RBFOX1: variants seen among roughly 807,000 people sequenced by gnomAD.
RBFOX1 encodes the protein RNA binding protein fox-1 homolog 1.
In RBFOX1, 8 loss-of-function variants were observed where a neutral mutation model predicts 57.7. The observed-to-expected ratio is 0.14, with a 90% CI of 0.08 to 0.25. The LOEUF is 0.25. Among genes scored for constraint, RBFOX1 ranks in the 10% least tolerant of loss-of-function variants. The pLI, the probability that RBFOX1 is intolerant of heterozygous loss-of-function variation, is 1.00. For synonymous variants in RBFOX1, 326 were observed against 222.4 expected (o/e 1.47, Z -4.15); for missense variants, 611 against 548.5 (o/e 1.11, Z -1.14).
rs573283082 is a variant in RBFOX1, at chr16:7,346,646, T to C, written c.28-171501T>C. On this transcript the variant is annotated intron_variant, in intron 4 of 15. Transcript: ENST00000550418. ...CATGTGGCCCACGGGCATTGCTTCG[T>C]TCAAGCCTTTGTGTTCAGATCTGCC... Among the ~76,000 whole-genome samples, 478 of 152,062 alleles carry C rather than the reference T, an allele frequency of 3.1e-3. 2 individuals carry two copies. The highest frequency in any genetic ancestry group is 0.011 in the African/African-American group (446 of 41,548).
intron 3 of RBFOX1, among the ~76,000 whole-genome samples, chr16:6,921,117 T>G (rs1353071070): frequency 1.3e-5 from 2 of 152,162 alleles, no homozygotes; most frequent in Non-Finnish European, 2.9e-5. Context: ...TTGATAAGTT[T>G]CCTAAACTCC....
At chr16:5,244,826 A>T (rs1430666438) in intron 1 of RBFOX1, among the ~76,000 whole-genome samples, 1 of 152,202 alleles carries the variant, frequency 6.6e-6, no homozygotes, top group Admixed American at 6.5e-5. Flanking sequence ...CATTCCTGTT[A>T]GCTATGACAG....
Position 6,410,894 on chromosome 16 carries a change from G to T in RBFOX1, c.-64+93837G>T, listed in dbSNP as rs1037168975. On this transcript the variant is annotated intron_variant, in intron 2 of 15. Coordinates refer to ENST00000550418, the MANE Select transcript of RBFOX1 (RefSeq NM_018723.4). ...TGAGCTTCAGGTTTCTCAGCGCACA[G>T]TTGGGGATAAAAAGGAACATATTAC... Among the ~76,000 whole-genome samples the T allele has an allele frequency of 5.3e-5, 8 of 152,184 alleles. No individual in the cohort carries two copies. In the East Asian group the frequency reaches 1.5e-3, roughly 29 times the overall value.
intron 12 of RBFOX1, among the ~76,000 whole-genome samples, chr16:7,658,301 C>G (rs1200928971): frequency 1.3e-5 from 2 of 152,176 alleles, no homozygotes; most frequent in African/African-American, 4.8e-5. Context: ...TCACAGACCT[C>G]CATTTCCTTC....
At chr16:7,028,135 T>C (rs929680389) in intron 3 of RBFOX1, among the ~76,000 whole-genome samples, 2 of 152,112 alleles carry the variant, frequency 1.3e-5, no homozygotes, top group African/African-American at 4.8e-5. Flanking sequence ...TGCAGAAATA[T>C]TGGAAGTCAA....
chr16:7,088,828 G>A (rs184479262), intron 4 of RBFOX1, among the ~76,000 whole-genome samples: 1 of 152,212 alleles, frequency 6.6e-6, no homozygotes, highest in Admixed American at 6.5e-5. Flanking sequence ...AGGCGTTTTC[G>A]AGGTTCAACT....
intron 4 of RBFOX1, among the ~76,000 whole-genome samples, chr16:5,967,219 C>T (rs2059864464): frequency 6.6e-6 from 1 of 152,138 alleles, no homozygotes; most frequent in South Asian, 2.1e-4. Flanking sequence ...AGGACTAGAC[C>T]AGAGGTCTGA....
At chr16:6,407,569 CAGAGAG>C (rs71145224) in intron 2 of RBFOX1, among the ~76,000 whole-genome samples, 14 of 25,910 alleles carry the variant, frequency 5.4e-4, no homozygotes, top group East Asian at 8.8e-4. Flanking sequence ...GTGTGTGTGA[CAGAGAG>C]AGAGAGAGAG....
chr16:6,833,764 G>T (rs1391328634), intron 3 of RBFOX1, among the ~76,000 whole-genome samples: 1 of 152,176 alleles, frequency 6.6e-6, no homozygotes, highest in Non-Finnish European at 1.5e-5. Context: ...GGATGGGAAG[G>T]TTCATTGAAG....
intron 3 of RBFOX1, among the ~76,000 whole-genome samples, chr16:6,792,127 G>T (rs190740812): frequency 6.6e-6 from 1 of 152,088 alleles, no homozygotes; most frequent in East Asian, 1.9e-4. Flanking sequence ...CACATAAATA[G>T]AAAAAAATTG....
At position 7,229,978 on chromosome 16, in the gene RBFOX1, G is replaced by A. The variant is rs867768399; in HGVS notation, c.27+177880G>A. On this transcript the variant is annotated intron_variant, in intron 4 of 15. Transcript: ENST00000550418. ...AGAGAGGGAGGAAGGGAGAGAGAGG[G>A]AGGAAGGGAGAGAGAGGGAGGAAGG... 6.1e-4 allele frequency among the ~76,000 whole-genome samples: 39 copies of A among 64,002 alleles called. 1 individual carries two copies. Among genetic ancestry groups the A allele is most frequent in the East Asian group, 9.4e-4 (2 of 2,136 alleles). The allele number at this position is 64,002 out of a possible 152,430, so 42.0% of individuals were successfully genotyped here. A position where few individuals can be genotyped will look rare whatever the true frequency, so the allele number is the denominator to read the frequency against.
At chr16:5,426,175 A>G (rs987961965) in intron 1 of RBFOX1, among the ~76,000 whole-genome samples, 1 of 152,112 alleles carries the variant, frequency 6.6e-6, no homozygotes, top group Non-Finnish European at 1.5e-5. Flanking sequence ...ATGACTCTGA[A>G]CCTGCCCGGT....
intron 3 of RBFOX1, among the ~76,000 whole-genome samples, chr16:6,942,325 G>A (rs749274174): frequency 3.6e-4 from 55 of 152,016 alleles, no homozygotes; most frequent in Non-Finnish European, 6.0e-4. Context: ...ACACCACCAC[G>A]CTCAGCTAAT....
chr16:6,771,765 C>T (rs141656548), intron 3 of RBFOX1, among the ~76,000 whole-genome samples: 38 of 152,286 alleles, frequency 2.5e-4, no homozygotes, highest in African/African-American at 8.4e-4. Context: ...TCACAATGCA[C>T]AGGACAGCCC....
At chr16:5,275,839 A>T (rs2063127681) in intron 1 of RBFOX1, among the ~76,000 whole-genome samples, 1 of 152,240 alleles carries the variant, frequency 6.6e-6, no homozygotes, top group Admixed American at 6.5e-5. Flanking sequence ...AAAAATAGGC[A>T]CATGACCAAT....
intron 2 of RBFOX1, among the ~76,000 whole-genome samples, chr16:5,477,731 C>T (rs1225275519): frequency 6.6e-6 from 1 of 152,128 alleles, no homozygotes; most frequent in Admixed American, 6.5e-5. Context: ...TATGTCAGGA[C>T]GAATTTCTGT....
chr16:5,668,375 A>T (rs2049914292), intron 3 of RBFOX1, among the ~76,000 whole-genome samples: 1 of 152,226 alleles, frequency 6.6e-6, no homozygotes. Context: ...GCAAAAAATC[A>T]TCTCTTTTTC....
chr16:6,690,666 C>T (rs1330366582), intron 3 of RBFOX1, among the ~76,000 whole-genome samples: 1 of 151,394 alleles, frequency 6.6e-6, no homozygotes, highest in Non-Finnish European at 1.5e-5. Flanking sequence ...TGCTTTTAGT[C>T]GATTATAGTA....
intron 4 of RBFOX1, among the ~76,000 whole-genome samples, chr16:7,435,798 C>G (rs1409670343): frequency 6.6e-6 from 1 of 152,122 alleles, no homozygotes; most frequent in Non-Finnish European, 1.5e-5. Context: ...AGTGCCAGAT[C>G]CTGTGTCAAA....
Sources: gnomAD v4.1 joint callset for allele counts (sites outside exome capture counted in the v4.1 genomes callset) on GRCh38, gnomAD v4.1.1 for gene constraint, MANE v1.5 for transcripts, NCBI Gene and HGNC (gene_info 2026-07-23, HGNC 2026-07-21) for gene names.